The following DIP2C variants were observed in gnomAD, a reference collection of about 807,000 sequenced individuals.
DIP2C encodes the protein DIP2 acetate--CoA ligase C (putative).
In DIP2C, 33 loss-of-function variants were observed where a neutral mutation model predicts 192.4. The ratio of observed to expected loss-of-function variants is 0.17; its 90% CI spans 0.13 to 0.23. The LOEUF is 0.23. DIP2C is among the 10% of genes least tolerant of loss of function. DIP2C has a pLI of 1.00. For synonymous variants in DIP2C, 979 were observed against 864.1 expected (o/e 1.13, Z -2.33); for missense variants, 1,537 against 2,110.1 (o/e 0.73, Z 5.32).
At chr10:280,786 G>A (rs940787719) in intron 36 of DIP2C, among the ~76,000 whole-genome samples, 2 of 152,176 alleles carry the variant, frequency 1.3e-5, no homozygotes, top group African/African-American at 4.8e-5. Context: ...CTGGACAAAC[G>A]CTGCCTCTCC....
In DIP2C at chr10:513,606, A is replaced by G. The variant is rs953386813; in HGVS notation, c.86-27076T>C. 3.4e-5 allele frequency among the ~76,000 whole-genome samples: 4 copies of G among 117,598 alleles called. No individual in the cohort carries two copies. The East Asian group carries it at 1.0e-3, about 30-fold the overall frequency. The allele number at this position is 117,598 out of a possible 152,430, so 77.1% of individuals were successfully genotyped here. ...TGCAGCCTGCAATTCACCCTGTACC[A>G]CGCCTTCCACACCTTACCTGAAAGT... On this transcript the variant is annotated intron_variant, in intron 1 of 36. Coordinates refer to ENST00000280886, the MANE Select transcript of DIP2C (RefSeq NM_014974.3).
intron 2 of DIP2C, chr10:484,961 G>GA (rs748559608): frequency 7.3e-5 from 116 of 1,591,956 alleles, no homozygotes; most frequent in Non-Finnish European, 8.6e-5. Flanking sequence ...GTAACAAGTT[G>GA]AAAAAAAACT....
chr10:470,743 C>T (rs79691569), intron 3 of DIP2C, among the ~76,000 whole-genome samples: 3,299 of 152,272 alleles, frequency 0.022, 115 homozygotes, highest in African/African-American at 0.075. Flanking sequence ...GTAAGATGGC[C>T]GGCCAAAGAT....
intron 3 of DIP2C, among the ~76,000 whole-genome samples, chr10:447,573 C>CATT (rs1968365446): frequency 2.4e-4 from 34 of 139,516 alleles, no homozygotes; most frequent in Non-Finnish European, 4.3e-4. Context: ...ACTCACCCGT[C>CATT]GATAATCAGG....
intron 31 of DIP2C, among the ~76,000 whole-genome samples, chr10:319,648 T>C (rs1411406112): frequency 6.6e-6 from 1 of 152,238 alleles, no homozygotes; most frequent in African/African-American, 2.4e-5. Context: ...GAGAAATTTA[T>C]GTGAAAGCTA....
At chr10:436,084 G>A (rs764443260) in intron 4 of DIP2C, among the ~76,000 whole-genome samples, 2 of 151,928 alleles carry the variant, frequency 1.3e-5, no homozygotes, top group Non-Finnish European at 2.9e-5. Flanking sequence ...TATATTAACT[G>A]GTGTCTTTCA....
At chr10:290,882 T>C (rs2132200082) in intron 32 of DIP2C, among the ~76,000 whole-genome samples, 1 of 152,250 alleles carries the variant, frequency 6.6e-6, no homozygotes, top group Admixed American at 6.5e-5. Context: ...ATCCTGTCGC[T>C]GGCCGGAATC....
chr10:689,547 A>G lies in DIP2C; in HGVS notation c.32T>C (p.Leu11Pro). 1 of 1,287,320 alleles carries G rather than the reference A, an allele frequency of 7.8e-7. No homozygotes were observed. Among genetic ancestry groups the G allele is most frequent in the Non-Finnish European group, 1.0e-6 (1 of 999,868 alleles). 79.7% of individuals were successfully genotyped at this position (1,287,320 alleles called of 1,614,324 possible). A position where few individuals can be genotyped will look rare whatever the true frequency, so the allele number is the denominator to read the frequency against. Residue 11 changes from leucine to proline, a missense_variant, in exon 1 of 37, where the codon CTG becomes CCG. Transcript: ENST00000280886. The surrounding 1 kb of genome is among the most constrained non-coding windows in gnomAD (Gnocchi z 6.1). MADRSLEGMA[L>P]PLEVRARLAE... The stretch of plus-strand genomic sequence containing the variant: ...CAGGCGCGCCCGCACCTCCAGGGGC[A>G]GCGCCATGCCCTCCAGGCTGCGGTC...
At chr10:471,890 C>T (rs1320281739) in intron 3 of DIP2C, among the ~76,000 whole-genome samples, 1 of 152,158 alleles carries the variant, frequency 6.6e-6, no homozygotes, top group Admixed American at 6.5e-5. Flanking sequence ...GTAGCTAGGA[C>T]TACAGGTGCC....
chr10:577,819 T>TTG (rs1220118655), intron 1 of DIP2C, among the ~76,000 whole-genome samples: 17 of 144,128 alleles, frequency 1.2e-4, no homozygotes, highest in African/African-American at 4.6e-4. Context: ...TTTTGTTTTT[T>TTG]TGTGTTTTTT....
chr10:649,804 C>G lies in DIP2C; in HGVS notation c.85+39690G>C, dbSNP rs1233598064. The G allele has an allele frequency of 4.3e-5, 18 of 416,162 alleles. No individual in the cohort carries two copies. The Admixed American group carries it at 7.2e-4, about 17-fold the overall frequency. The allele number at this position is 416,162 out of a possible 1,614,324, so 25.8% of individuals were successfully genotyped here. The stretch of plus-strand genomic sequence containing the variant: ...TCCTCTATGTATCCTACATAAAAGA[C>G]AGGGTCTTTCTGGCAGAAAACCATT... On this transcript the variant is annotated intron_variant, in intron 1 of 36. Coordinates refer to ENST00000280886, the MANE Select transcript of DIP2C (RefSeq NM_014974.3).
intron 2 of DIP2C, among the ~76,000 whole-genome samples, chr10:483,813 ATTT>A (rs1843798851): frequency 1.3e-5 from 2 of 151,402 alleles, no homozygotes; most frequent in South Asian, 4.2e-4. Context: ...CTATGACTTC[ATTT>A]TACCAATTTT....
At chr10:426,684 G>A (rs960909776) in intron 4 of DIP2C, among the ~76,000 whole-genome samples, 2 of 152,174 alleles carry the variant, frequency 1.3e-5, no homozygotes, top group Non-Finnish European at 2.9e-5. Context: ...ATTAAACCCA[G>A]AAATAAAGTC....
intron 4 of DIP2C, among the ~76,000 whole-genome samples, chr10:423,894 A>G (rs184971440): frequency 3.9e-5 from 6 of 152,114 alleles, no homozygotes; most frequent in Admixed American, 3.9e-4. Flanking sequence ...AAATCAATTC[A>G]CCTTTACAGT....
chr10:613,688 G>C (rs989714813), intron 1 of DIP2C, among the ~76,000 whole-genome samples: 3 of 152,180 alleles, frequency 2.0e-5, no homozygotes, highest in African/African-American at 7.2e-5. Flanking sequence ...CCTGAGAATG[G>C]AAGAACTGTT....
At chr10:442,132 C>G (rs913804033) in intron 3 of DIP2C, among the ~76,000 whole-genome samples, 1 of 152,154 alleles carries the variant, frequency 6.6e-6, no homozygotes, top group Non-Finnish European at 1.5e-5. Flanking sequence ...AAAATCACCA[C>G]CAACCAAAAT....
chr10:514,955 T>A (rs912185324), intron 1 of DIP2C, among the ~76,000 whole-genome samples: 8 of 152,234 alleles, frequency 5.3e-5, no homozygotes, highest in African/African-American at 9.6e-5. Flanking sequence ...AAGCTTTTTT[T>A]AACTTCTTTT....
chr10:321,637 CGGCG>C (rs1564551734), intron 31 of DIP2C, among the ~76,000 whole-genome samples: 40 of 104,720 alleles, frequency 3.8e-4, no homozygotes, highest in African/African-American at 1.3e-3. Flanking sequence ...TGCGGGGCTC[CGGCG>C]AGAGACCGGC....
chr10:424,208 G>T (rs535315801), intron 4 of DIP2C, among the ~76,000 whole-genome samples: 8 of 152,020 alleles, frequency 5.3e-5, no homozygotes, highest in African/African-American at 1.9e-4. Flanking sequence ...TAAGACACGG[G>T]TTTGTTTTTT....
Sources: gnomAD v4.1 joint callset for allele counts (sites outside exome capture counted in the v4.1 genomes callset) on GRCh38, gnomAD v4.1.1 for gene constraint, Gnocchi (gnomAD v3.1) non-coding constraint, MANE v1.5 for transcripts, NCBI Gene and HGNC (gene_info 2026-07-23, HGNC 2026-07-21) for gene names.